WNT6: variants seen among roughly 807,000 people sequenced by gnomAD.
WNT6 encodes the protein protein Wnt-6.
WNT6 carries 27 observed loss-of-function variants against 33.1 expected under a neutral mutation model. The observed-to-expected ratio is 0.82, with a 90% CI of 0.60 to 1.12. The LOEUF is 1.12. Ranked by LOEUF, WNT6 falls within the 50% of genes most tolerant of loss-of-function variation. WNT6 has a pLI of 0.00. For synonymous variants in WNT6, 249 were observed against 242.8 expected, an observed-to-expected ratio of 1.03 and a Z score of -0.24; for missense variants, 494 against 535.3, an observed-to-expected ratio of 0.92 and a Z score of 0.76.
At chr2:218,860,245 C>A in intron 1 of WNT6, 128 bp downstream of exon 1, 1 of 904,722 alleles carries the variant, frequency 1.1e-6, no homozygotes, top group Non-Finnish European at 1.5e-6. Flanking sequence ...CTGGCCTCGG[C>A]CGGGGGCGTT....
In WNT6 at chr2:218,860,014, C is replaced by G. The variant is rs2106000663; in HGVS notation, c.-24C>G. 1 of 1,430,008 alleles carries G rather than the reference C, an allele frequency of 7.0e-7. No homozygotes were observed. Among genetic ancestry groups the G allele is most frequent in the East Asian group, 3.1e-5 (1 of 32,620 alleles). The allele number at this position is 1,430,008 out of a possible 1,614,324, so 88.6% of individuals were successfully genotyped here. ...CCCCGCAGCCTCGCCCCCTGCCCAC[C>G]CGGGCGGCCGTAGGGCGGTCACGAT... On this transcript the variant is annotated 5_prime_UTR_variant, in exon 1 of 4. Transcript: ENST00000233948.
Position 218,865,746 on chromosome 2 carries a change from G to A in WNT6, c.81-5281G>A, listed in dbSNP as rs186695450. On this transcript the variant is annotated intron_variant, in intron 1 of 3. Coordinates refer to ENST00000233948, the MANE Select transcript of WNT6 (RefSeq NM_006522.4). ...CCACCCCAATATGGGCGAGCAGAGG[G>A]CCCAGGACAGTCTCCTGGGGGCACC... Among the ~76,000 whole-genome samples the A allele has an allele frequency of 1.8e-4, 28 of 152,260 alleles. No individual in the cohort carries two copies. In the East Asian group the frequency reaches 4.8e-3, roughly 26 times the overall value.
rs1401530022 is a variant in WNT6 at position 218,859,947 on chromosome 2, C to G, written c.-91C>G. On this transcript the variant is annotated 5_prime_UTR_variant, in exon 1 of 4. Transcript: ENST00000233948. Reference sequence around the variant, plus strand: ...TCCCGGCCGCCGCCGTTGCGCTCGCCGCGCTCGCACTGAAGCCCGGGCCCT... The same window carrying G: ...TCCCGGCCGCCGCCGTTGCGCTCGCGGCGCTCGCACTGAAGCCCGGGCCCT... The G allele has an allele frequency of 4.5e-6, 5 of 1,104,882 alleles. No individual in the cohort carries two copies. The highest frequency in any genetic ancestry group is 3.9e-5 in the East Asian group (1 of 25,800). 68.4% of individuals were successfully genotyped at this position (1,104,882 alleles called of 1,614,324 possible). A position where few individuals can be genotyped will look rare whatever the true frequency, so the allele number is the denominator to read the frequency against.
rs1575221793 is a variant in WNT6 at position 218,859,992 on chromosome 2, C to G, written c.-46C>G. ...GGCCCTCGCGCGCCGCGGTTCGCCC[C>G]GCAGCCTCGCCCCCTGCCCACCCGG... On this transcript the variant is annotated 5_prime_UTR_variant, in exon 1 of 4. Coordinates refer to ENST00000233948, the MANE Select transcript of WNT6 (RefSeq NM_006522.4). 2 of 1,336,918 alleles carry G rather than the reference C, an allele frequency of 1.5e-6. No homozygotes were observed. The highest frequency in any genetic ancestry group is 2.8e-4 in the Middle Eastern group (1 of 3,636). The allele number at this position is 1,336,918 out of a possible 1,614,324, so 82.8% of individuals were successfully genotyped here. A position where few individuals can be genotyped will look rare whatever the true frequency, so the allele number is the denominator to read the frequency against.
intron 1 of WNT6, among the ~76,000 whole-genome samples, chr2:218,862,659 AGG>A (rs1944320211): frequency 6.6e-6 from 1 of 151,672 alleles, no homozygotes; most frequent in Admixed American, 6.6e-5. Flanking sequence ...CTGGGATTAC[AGG>A]CCCAGCCATT....
At chr2:218,866,092 C>T (rs1392178356) in intron 1 of WNT6, among the ~76,000 whole-genome samples, 5 of 152,158 alleles carry the variant, frequency 3.3e-5, no homozygotes, top group African/African-American at 9.6e-5. Flanking sequence ...CCGGCCCAGC[C>T]GCCTCAGCAG....
Position 218,867,181 on chromosome 2 carries a change from G to A in WNT6, c.81-3846G>A, listed in dbSNP as rs150646803. Among the ~76,000 whole-genome samples the A allele has an allele frequency of 1.2e-4, 18 of 152,282 alleles. No individual in the cohort carries two copies. The East Asian group carries it at 2.7e-3, about 23-fold the overall frequency. On this transcript the variant is annotated intron_variant, in intron 1 of 3. Coordinates refer to ENST00000233948, the MANE Select transcript of WNT6 (RefSeq NM_006522.4). This position sits in a 1 kb window ranked among gnomAD's most constrained non-coding sequence, Gnocchi z 4.9. Reference sequence around the variant, plus strand: ...CACTGGAAGTCTTCTGATATCTCACGTGCCCATTTCCCTCCAGCACTGTTT... The same window carrying A: ...CACTGGAAGTCTTCTGATATCTCACATGCCCATTTCCCTCCAGCACTGTTT...
chr2:218,862,098 G>A (rs1437120061), intron 1 of WNT6, among the ~76,000 whole-genome samples: 1 of 152,152 alleles, frequency 6.6e-6, no homozygotes, highest in African/African-American at 2.4e-5. Context: ...TGGTCCCTGA[G>A]AGACTGACCC....
rs1944424557 is a variant in WNT6 at position 218,873,564 on chromosome 2, G to T, written c.817G>T (p.Val273Phe). The stretch of plus-strand genomic sequence containing the variant: ...CGACGGCAAGGCCCTGCTGCCCGCC[G>T]TCCGCACGCTCAAGCCGCCGGGCCG... ...TNDGKALLPA[V>F]RTLKPPGRAD... The change falls in exon 4 of 4, where the codon GTC becomes TTC. Residue 273 changes from valine (V) to phenylalanine (F), a missense_variant. Val to Phe is a conservative substitution (Grantham distance 50, BLOSUM62 -1). Coordinates refer to ENST00000233948, the MANE Select transcript of WNT6 (RefSeq NM_006522.4). This position sits in a 1 kb window ranked among gnomAD's most constrained non-coding sequence, Gnocchi z 6.1. 7 of 1,538,388 alleles carry T rather than the reference G, an allele frequency of 4.6e-6. No individual in the cohort carries two copies. Among genetic ancestry groups the T allele is most frequent in the Non-Finnish European group, 6.1e-6 (7 of 1,146,288 alleles).
intron 1 of WNT6, among the ~76,000 whole-genome samples, chr2:218,866,602 A>G (rs923080900): frequency 2.0e-5 from 3 of 152,178 alleles, no homozygotes; most frequent in African/African-American, 7.2e-5. Flanking sequence ...GGTTCTCTGC[A>G]TCTGTAATCT....
In WNT6 at chr2:218,873,101, C is replaced by T. The variant is rs556512266; in HGVS notation, c.637-283C>T. On this transcript the variant is annotated intron_variant, in intron 3 of 3. Transcript: ENST00000233948. The surrounding 1 kb of genome is among the most constrained non-coding windows in gnomAD (Gnocchi z 6.1). ...CCCCTGCTGTCCATTCTGCTTTCTC[C>T]CCCACCCCCTGCCTTTGGACCCTGG... Among the ~76,000 whole-genome samples, 1 of 152,096 alleles carries T rather than the reference C, an allele frequency of 6.6e-6. No individual in the cohort carries two copies. Among genetic ancestry groups the T allele is most frequent in the South Asian group, 2.1e-4 (1 of 4,832 alleles).
At position 218,874,187 on chromosome 2, in the gene WNT6, C is replaced by T; in HGVS notation, c.*342C>T. On this transcript the variant is annotated 3_prime_UTR_variant, in exon 4 of 4. Coordinates refer to ENST00000233948, the MANE Select transcript of WNT6 (RefSeq NM_006522.4). ...CTGGGCTCCCCAGAACTGCTGGCCACAGGATGGTGGGTGAGGTTAGTATCA... is the reference window on the plus strand; with the variant it reads ...CTGGGCTCCCCAGAACTGCTGGCCATAGGATGGTGGGTGAGGTTAGTATCA... 1.3e-5 allele frequency: 4 copies of T among 309,920 alleles called. No homozygotes were observed. The highest frequency in any genetic ancestry group is 2.3e-5 in the Non-Finnish European group (4 of 171,990). 19.2% of individuals were successfully genotyped at this position (309,920 alleles called of 1,614,324 possible).
chr2:218,867,695 C>A lies in WNT6; in HGVS notation c.81-3332C>A, dbSNP rs1045095916. 3.9e-5 allele frequency among the ~76,000 whole-genome samples: 6 copies of A among 152,338 alleles called. No individual in the cohort carries two copies. Among genetic ancestry groups the A allele is most frequent in the Admixed American group, 3.9e-4 (6 of 15,304 alleles). ...CTTCAGGCCCCAAAACATGCAAATTCTCCCAAAGGAGCACATCTTCTCTGG... is the reference window on the plus strand; with the variant it reads ...CTTCAGGCCCCAAAACATGCAAATTATCCCAAAGGAGCACATCTTCTCTGG... On this transcript the variant is annotated intron_variant, in intron 1 of 3. Coordinates refer to ENST00000233948, the MANE Select transcript of WNT6 (RefSeq NM_006522.4). The surrounding 1 kb of genome is among the most constrained non-coding windows in gnomAD (Gnocchi z 4.9).
At chr2:218,865,849 C>T (rs1324034820) in intron 1 of WNT6, among the ~76,000 whole-genome samples, 1 of 151,940 alleles carries the variant, frequency 6.6e-6, no homozygotes. Context: ...GCCTCCACCT[C>T]TCCCAAGAGT....
chr2:218,873,688 C>T lies in WNT6; in HGVS notation c.941C>T (p.Ala314Val), dbSNP rs1429223480. The change falls in exon 4 of 4, where the codon GCC becomes GTC. Residue 314 changes from alanine to valine, a missense_variant. Coordinates refer to ENST00000233948, the MANE Select transcript of WNT6 (RefSeq NM_006522.4). The surrounding 1 kb of genome is among the most constrained non-coding windows in gnomAD (Gnocchi z 6.1). ...CGCGGTCGCGCCTGCAATAGCAGCGCCCCGGACCTCAGCGGCTGCGACCTG... is the reference window on the plus strand; with the variant it reads ...CGCGGTCGCGCCTGCAATAGCAGCGTCCCGGACCTCAGCGGCTGCGACCTG... ...GTRGRACNSS[A>V]PDLSGCDLLC... 1.3e-6 allele frequency: 2 copies of T among 1,578,742 alleles called. No homozygotes were observed. Among genetic ancestry groups the T allele is most frequent in the Admixed American group, 1.7e-5 (1 of 58,626 alleles).
chr2:218,871,784 T>C lies in WNT6; in HGVS notation c.601T>C (p.Leu201=), dbSNP rs1241854417. The C allele has an allele frequency of 3.1e-6, 5 of 1,597,260 alleles. No homozygotes were observed. Among genetic ancestry groups the C allele is most frequent in the Non-Finnish European group, 4.3e-6 (5 of 1,173,234 alleles). ...GCGGGGACGCGGAGACATCCGCGCG[T>C]TGGTGCAACTGCACAACAACGAGGC... ...HKRGRGDIRA[L]VQLHNNEAGR... is the part of the protein sequence containing the mutation. Residue 201 remains leucine (L), a synonymous_variant, in exon 3 of 4, where the codon TTG becomes CTG. Transcript: ENST00000233948. This position sits in a 1 kb window ranked among gnomAD's most constrained non-coding sequence, Gnocchi z 6.4.
At chr2:218,870,307 A>G (rs977709144) in intron 1 of WNT6, among the ~76,000 whole-genome samples, 10 of 151,978 alleles carry the variant, frequency 6.6e-5, no homozygotes, top group African/African-American at 2.4e-4. Context: ...ACAATGCTTC[A>G]GAGACCTGGC....
intron 1 of WNT6, among the ~76,000 whole-genome samples, chr2:218,865,961 TA>T (rs1284899230): frequency 1.4e-5 from 2 of 143,496 alleles, no homozygotes; most frequent in African/African-American, 5.3e-5. Flanking sequence ...AGGCAGGGGT[TA>T]ATGGAGCTGG....
intron 1 of WNT6, among the ~76,000 whole-genome samples, chr2:218,865,189 G>A (rs1559407482): frequency 1.3e-5 from 2 of 152,250 alleles, no homozygotes; most frequent in Non-Finnish European, 2.9e-5. Flanking sequence ...TCCAGAATGT[G>A]CACTATGATG....
Sources: gnomAD v4.1 joint callset for allele counts (sites outside exome capture counted in the v4.1 genomes callset) on GRCh38, gnomAD v4.1.1 for gene constraint, Gnocchi (gnomAD v3.1) non-coding constraint, MANE v1.5 for transcripts, NCBI Gene and HGNC (gene_info 2026-07-23, HGNC 2026-07-21) for gene names.